IKZF1: variants seen among roughly 807,000 people sequenced by gnomAD.
IKZF1 encodes DNA-binding protein Ikaros.
Under a neutral mutation model 51.7 loss-of-function variants are expected in IKZF1, and 10 were observed. That is an observed-to-expected ratio of 0.19 (90% CI 0.12 to 0.33). The LOEUF (loss-of-function observed/expected upper bound fraction) is 0.33, where lower values mean the gene tolerates loss of function less well. Ranked by LOEUF, IKZF1 falls within the 10% of genes least tolerant of loss-of-function variation. IKZF1 has a pLI of 1.00. For missense variants in IKZF1, 484 were observed against 707.5 expected, an observed-to-expected ratio of 0.68 and a Z score of 3.58; for synonymous variants, 280 against 282.3, an observed-to-expected ratio of 0.99 and a Z score of 0.08.
chr7:50,317,156 T>C (rs1204238402), intron 1 of IKZF1, among the ~76,000 whole-genome samples: 1 of 152,250 alleles, frequency 6.6e-6, no homozygotes, highest in Non-Finnish European at 1.5e-5. Flanking sequence ...ATCATTTATG[T>C]AGCAAAAAGT....
intron 6 of IKZF1, among the ~76,000 whole-genome samples, chr7:50,389,886 C>T (rs1042258564): frequency 4.0e-4 from 61 of 152,282 alleles, no homozygotes; most frequent in African/African-American, 1.2e-3. Flanking sequence ...CTTGTCTGTG[C>T]TCAGATGGAT....
rs533621185 is a variant in IKZF1 at position 50,328,991 on chromosome 7, T to A, written c.160+1234T>A. The A allele has an allele frequency of 2.0e-5, 3 of 147,088 alleles. No homozygotes were observed. In the South Asian group the frequency reaches 6.3e-4, roughly 31 times the overall value. 9.1% of individuals were successfully genotyped at this position (147,088 alleles called of 1,614,324 possible). A position where few individuals can be genotyped will look rare whatever the true frequency, so the allele number is the denominator to read the frequency against. Reference sequence around the variant, plus strand: ...GGGAGGCTGAGGCAGGAGAATGGCGTGAACCCGGCAGGCGGAGCTTGCAGT... The same window carrying A: ...GGGAGGCTGAGGCAGGAGAATGGCGAGAACCCGGCAGGCGGAGCTTGCAGT... On this transcript the variant is annotated intron_variant, in intron 3 of 7. Transcript: ENST00000331340.
intron 5 of IKZF1, among the ~76,000 whole-genome samples, chr7:50,383,794 G>A (rs1812553498): frequency 6.6e-6 from 1 of 152,232 alleles, no homozygotes; most frequent in Admixed American, 6.5e-5. Context: ...AGGATAAGGA[G>A]GAGCCTCCCT....
At chr7:50,378,672 G>A (rs1319512764) in intron 4 of IKZF1, among the ~76,000 whole-genome samples, 1 of 152,204 alleles carries the variant, frequency 6.6e-6, no homozygotes, top group African/African-American at 2.4e-5. Flanking sequence ...AGATATGCCA[G>A]GTGGCACCTG....
intron 3 of IKZF1, among the ~76,000 whole-genome samples, chr7:50,374,055 AG>A (rs1809518139): frequency 6.6e-6 from 1 of 152,212 alleles, no homozygotes; most frequent in Non-Finnish European, 1.5e-5. Flanking sequence ...GGAGACAGGC[AG>A]CTCTGTTAAT....
At chr7:50,337,041 G>A (rs978090541) in intron 3 of IKZF1, among the ~76,000 whole-genome samples, 15 of 152,142 alleles carry the variant, frequency 9.9e-5, no homozygotes, top group African/African-American at 3.6e-4. Flanking sequence ...CTAGAAAGAG[G>A]TGTCTGGGGG....
chr7:50,351,228 A>T (rs1801782851), intron 3 of IKZF1, among the ~76,000 whole-genome samples: 1 of 152,202 alleles, frequency 6.6e-6, no homozygotes, highest in African/African-American at 2.4e-5. Flanking sequence ...TGATATTGGG[A>T]GTAGATTTAA....
chr7:50,396,963 C>G (rs535391541), intron 7 of IKZF1, among the ~76,000 whole-genome samples: 2 of 152,182 alleles, frequency 1.3e-5, no homozygotes, highest in African/African-American at 4.8e-5. Flanking sequence ...CCAGGGAGCC[C>G]GCAGGGGCTC....
At chr7:50,313,731 G>A (rs1214447484) in intron 1 of IKZF1, among the ~76,000 whole-genome samples, 2 of 152,226 alleles carry the variant, frequency 1.3e-5, no homozygotes, top group African/African-American at 4.8e-5. Flanking sequence ...TGATGCAGAT[G>A]CCTTGGGTTT....
At position 50,400,176 on chromosome 7, in the gene IKZF1, T is replaced by C; in HGVS notation, c.1109T>C (p.Val370Ala). 6.4e-7 allele frequency: 1 copy of C among 1,567,094 alleles called. No individual in the cohort carries two copies. The highest frequency in any genetic ancestry group is 8.6e-7 in the Non-Finnish European group (1 of 1,157,542). The part of the protein sequence containing the change: ...RSNHSAQDSA[V>A]ENLLLLSKAK... The stretch of plus-strand genomic sequence containing the variant: ...AACCACTCGGCCCAGGACAGCGCCG[T>C]GGAGAACCTGCTGCTGCTCTCCAAG... The change falls in exon 8 of 8, where the codon GTG becomes GCG. Residue 370 changes from valine to alanine, a missense_variant. By Grantham distance (64) the Val-to-Ala change is moderately conservative. This residue lies in a region of IKZF1 where 172 missense variants were observed against 192.7 expected (regional missense o/e 0.89). Transcript: ENST00000331340. The surrounding 1 kb of genome is among the most constrained non-coding windows in gnomAD (Gnocchi z 5.4).
At chr7:50,314,174 A>G (rs1478778326) in intron 1 of IKZF1, among the ~76,000 whole-genome samples, 1 of 152,216 alleles carries the variant, frequency 6.6e-6, no homozygotes, top group Middle Eastern at 3.4e-3. Flanking sequence ...GCAGTGGCAC[A>G]ATCTCAGCTC....
At chr7:50,366,037 G>A (rs1806830129) in intron 3 of IKZF1, among the ~76,000 whole-genome samples, 1 of 152,136 alleles carries the variant, frequency 6.6e-6, no homozygotes, top group African/African-American at 2.4e-5. Flanking sequence ...AGAAAACCAA[G>A]TGCAGATGTT....
intron 3 of IKZF1, among the ~76,000 whole-genome samples, chr7:50,342,332 A>C (rs1003539633): frequency 1.2e-4 from 18 of 152,384 alleles, no homozygotes; most frequent in African/African-American, 4.3e-4. Context: ...TAGCTGAATT[A>C]AATGTAGAAA....
chr7:50,382,168 A>G (rs1183618620), intron 4 of IKZF1, among the ~76,000 whole-genome samples: 1 of 152,212 alleles, frequency 6.6e-6, no homozygotes, highest in Non-Finnish European at 1.5e-5. Context: ...ACCCTTTGAA[A>G]AAAGCCACAT....
chr7:50,356,057 T>C (rs114366872), intron 3 of IKZF1, among the ~76,000 whole-genome samples: 2,371 of 152,378 alleles, frequency 0.016, 60 homozygotes, highest in African/African-American at 0.052. Flanking sequence ...TCCCTCAGTT[T>C]CAGGCTTTTC....
chr7:50,400,408 C>A lies in IKZF1; in HGVS notation c.1341C>A (p.Asp447Glu), dbSNP rs143013761. 1 of 1,613,730 alleles carries A rather than the reference C, an allele frequency of 6.2e-7. No homozygotes were observed. The highest frequency in any genetic ancestry group is 1.7e-5 in the Admixed American group (1 of 60,020). The stretch of plus-strand genomic sequence containing the variant: ...GCGCCGCCTCCGAGAACTCGCAGGA[C>A]GCGCTCCGCGTGGTCAGCACCAGCG... ...LLRAASENSQ[D>E]ALRVVSTSGE... is the part of the protein sequence containing the mutation. The change falls in exon 8 of 8, where the codon GAC becomes GAA. Residue 447 changes from aspartate (D) to glutamate (E), a missense_variant. Coordinates refer to ENST00000331340, the MANE Select transcript of IKZF1 (RefSeq NM_006060.6). The surrounding 1 kb of genome is among the most constrained non-coding windows in gnomAD (Gnocchi z 5.4).
intron 3 of IKZF1, among the ~76,000 whole-genome samples, chr7:50,339,846 G>A (rs1798664355): frequency 6.6e-6 from 1 of 152,060 alleles, no homozygotes; most frequent in Admixed American, 6.6e-5. Context: ...TTTTATTTGG[G>A]GCTGAATTAT....
intron 7 of IKZF1, among the ~76,000 whole-genome samples, chr7:50,392,887 C>T (rs1177757325): frequency 6.6e-6 from 1 of 152,030 alleles, no homozygotes; most frequent in African/African-American, 2.4e-5. Context: ...AAGGACATGA[C>T]GGAGGAGCAG....
chr7:50,350,067 C>A (rs2087048397), intron 3 of IKZF1, among the ~76,000 whole-genome samples: 1 of 152,212 alleles, frequency 6.6e-6, no homozygotes, highest in African/African-American at 2.4e-5. Flanking sequence ...AGAGGGGCAG[C>A]AGGGTGTAGG....
Sources: allele counts gnomAD v4.1 joint callset (sites outside exome capture counted in the v4.1 genomes callset), GRCh38; gene constraint gnomAD v4.1.1; regional missense constraint gnomAD v4.1.1; non-coding constraint Gnocchi (gnomAD v3.1); transcripts MANE v1.5; gene names NCBI Gene and HGNC (gene_info 2026-07-23, HGNC 2026-07-21).